Variants in PDGFRA observed in about 807,000 individuals in gnomAD.
PDGFRA encodes the protein platelet-derived growth factor receptor alpha.
A neutral mutation model predicts 121.5 loss-of-function variants in PDGFRA; 25 were observed. The observed-to-expected ratio is 0.21, with a 90% CI of 0.15 to 0.29. The LOEUF (loss-of-function observed/expected upper bound fraction) is 0.29, where lower values mean the gene tolerates loss of function less well. Among genes scored for constraint, PDGFRA ranks in the 10% least tolerant of loss-of-function variants. The pLI is 1.00. For missense variants in PDGFRA, 1,008 were observed against 1,345.1 expected, an observed-to-expected ratio of 0.75 and a Z score of 3.92; for synonymous variants, 463 against 494.8, an observed-to-expected ratio of 0.94 and a Z score of 0.85.
At chr4:54,231,165 G>C (rs1720642024) in intron 1 of PDGFRA, among the ~76,000 whole-genome samples, 1 of 152,220 alleles carries the variant, frequency 6.6e-6, no homozygotes, top group Non-Finnish European at 1.5e-5. Context: ...CTCAGGATGT[G>C]CGCAAGGAGT....
intron 1 of PDGFRA, among the ~76,000 whole-genome samples, chr4:54,247,615 A>G (rs985339072): frequency 4.6e-5 from 7 of 152,242 alleles, no homozygotes; most frequent in African/African-American, 1.7e-4. Context: ...AGCCAATATC[A>G]TACTGAATGG....
chr4:54,290,225 T>A, intron 21 of PDGFRA, 88 bp from the exon 22 acceptor site: 1 of 1,073,668 alleles, frequency 9.3e-7, no homozygotes, highest in Non-Finnish European at 1.4e-6. Context: ...TATGTACAGT[T>A]AAATAATAGT....
chr4:54,251,373 A>G (rs1179607485), intron 1 of PDGFRA, among the ~76,000 whole-genome samples: 1 of 152,200 alleles, frequency 6.6e-6, no homozygotes, highest in Non-Finnish European at 1.5e-5. Context: ...TATGGACAAA[A>G]TTTGGAGCAT....
chr4:54,232,229 T>C (rs1036830151), intron 1 of PDGFRA, among the ~76,000 whole-genome samples: 1 of 152,170 alleles, frequency 6.6e-6, no homozygotes, highest in Non-Finnish European at 1.5e-5. Context: ...AGCATCAGCC[T>C]TGGGGCGGCA....
Position 54,261,923 on chromosome 4 carries a change from ATATATATATT to A in PDGFRA, c.367+513_367+522del, listed in dbSNP as rs1233070207. On this transcript the variant is annotated intron_variant, in intron 3 of 22. Coordinates refer to ENST00000257290, the MANE Select transcript of PDGFRA (RefSeq NM_006206.6). Reference sequence around the variant, plus strand: ...CATATATATATATATATATATATATATATATATATTTTTTTTTTTTTTGGTAACAGGGTCT... The same window carrying A: ...CATATATATATATATATATATATATATTTTTTTTTTTTGGTAACAGGGTCT... Among the ~76,000 whole-genome samples, 407 of 74,558 alleles carry A rather than the reference ATATATATATT, an allele frequency of 5.5e-3. 1 individual carries two copies. Among genetic ancestry groups the A allele is most frequent in the Middle Eastern group, 0.011 (2 of 182 alleles). The allele number at this position is 74,558 out of a possible 152,430, so 48.9% of individuals were successfully genotyped here.
intron 1 of PDGFRA, among the ~76,000 whole-genome samples, chr4:54,248,326 C>A (rs969549097): frequency 2.6e-5 from 4 of 152,174 alleles, no homozygotes; most frequent in African/African-American, 7.2e-5. Context: ...TACTACAAAG[C>A]TACAGTAACC....
rs2110298976 is a variant in PDGFRA, at chr4:54,274,825, T to A, written c.1654-16T>A. On this transcript the variant is annotated splice_polypyrimidine_tract_variant and intron_variant, in intron 11 of 22. Coordinates refer to ENST00000257290, the MANE Select transcript of PDGFRA (RefSeq NM_006206.6). ...ACTTTGGTAATTCACCAGTTACCTG[T>A]CCTGGTCATTTATAGAAACCGAGGT... The A allele has an allele frequency of 6.2e-7, 1 of 1,613,854 alleles. No individual in the cohort carries two copies. Among genetic ancestry groups the A allele is most frequent in the Non-Finnish European group, 8.5e-7 (1 of 1,179,742 alleles).
intron 1 of PDGFRA, among the ~76,000 whole-genome samples, chr4:54,248,884 A>C (rs1380094515): frequency 1.3e-5 from 2 of 152,188 alleles, no homozygotes. Context: ...AAAAACAAAC[A>C]ACCCCATCAA....
chr4:54,254,985 T>TG (rs991992216), intron 1 of PDGFRA, among the ~76,000 whole-genome samples: 2 of 151,682 alleles, frequency 1.3e-5, no homozygotes, highest in Non-Finnish European at 2.9e-5. Context: ...CTGGGCCGGG[T>TG]GGGGGGCGGT....
intron 22 of PDGFRA, among the ~76,000 whole-genome samples, chr4:54,292,141 T>C (rs1180884916): frequency 6.6e-6 from 1 of 152,194 alleles, no homozygotes; most frequent in Non-Finnish European, 1.5e-5. Flanking sequence ...GCAGAAATAC[T>C]GTTTGACCCA....
rs1723295850 is a variant in PDGFRA at position 54,270,691 on chromosome 4, A to G, written c.1180A>G (p.Ile394Val). 1.2e-6 allele frequency: 2 copies of G among 1,612,094 alleles called. No homozygotes were observed. Among genetic ancestry groups the G allele is most frequent in the Admixed American group, 1.7e-5 (1 of 59,998 alleles). Residue 394 changes from isoleucine to valine, a missense_variant, in exon 8 of 23, where the codon ATT (isoleucine) becomes GTT (valine). Ile to Val is a conservative substitution (Grantham distance 29). Transcript: ENST00000257290. The stretch of plus-strand genomic sequence containing the variant: ...GGAAGAAGACAGTGGCCATTATACT[A>G]TTGTAGCTCAAAATGAAGATGCTGT... The part of the protein sequence containing the change: ...AKEEDSGHYT[I>V]VAQNEDAVKS...
chr4:54,283,506 G>A (rs1215859225), intron 16 of PDGFRA, among the ~76,000 whole-genome samples: 1 of 152,240 alleles, frequency 6.6e-6, no homozygotes, highest in Admixed American at 6.5e-5. Flanking sequence ...GGACCCTGGG[G>A]CTGGCCCATG....
At chr4:54,285,231 G>A (rs1724278874) in intron 16 of PDGFRA, 140 bp from the exon 17 acceptor site, 1 of 669,814 alleles carries the variant, frequency 1.5e-6, no homozygotes, top group East Asian at 2.7e-5. Context: ...TCTTTGCATA[G>A]TGATATTCAT....
At chr4:54,240,170 G>C (rs992478176) in intron 1 of PDGFRA, 1 of 218,876 alleles carries the variant, frequency 4.6e-6, no homozygotes, top group African/African-American at 2.3e-5. Flanking sequence ...AGTTTTTAAT[G>C]ACTGGCTGTT....
chr4:54,270,095 A>T (rs1723259820), intron 7 of PDGFRA, among the ~76,000 whole-genome samples: 1 of 152,168 alleles, frequency 6.6e-6, no homozygotes, highest in African/African-American at 2.4e-5. Context: ...CATCTTCATT[A>T]GTTTCATTAG....
chr4:54,244,346 G>C (rs934244000), intron 1 of PDGFRA, among the ~76,000 whole-genome samples: 1 of 152,202 alleles, frequency 6.6e-6, no homozygotes, highest in African/African-American at 2.4e-5. Context: ...ACCTCACACA[G>C]CCGGGTACTC....
At chr4:54,270,415 G>GT (rs1723276378) in intron 7 of PDGFRA, among the ~76,000 whole-genome samples, 3 of 152,146 alleles carry the variant, frequency 2.0e-5, no homozygotes, top group Non-Finnish European at 2.9e-5. Flanking sequence ...GCTCATCTCT[G>GT]AATGTCTGGT....
chr4:54,249,692 G>A (rs918338580), intron 1 of PDGFRA, among the ~76,000 whole-genome samples: 7 of 151,994 alleles, frequency 4.6e-5, no homozygotes, highest in Admixed American at 1.3e-4. Context: ...GCTAAATGAC[G>A]AGTTAATGGG....
At chr4:54,270,260 T>C (rs1189544697) in intron 7 of PDGFRA, among the ~76,000 whole-genome samples, 1 of 152,160 alleles carries the variant, frequency 6.6e-6, no homozygotes, top group Non-Finnish European at 1.5e-5. Flanking sequence ...AAATGATGGA[T>C]ATTTAGGGGA....
Sources: gnomAD v4.1 joint callset for allele counts (sites outside exome capture counted in the v4.1 genomes callset) on GRCh38, gnomAD v4.1.1 for gene constraint, MANE v1.5 for transcripts, NCBI Gene and HGNC (gene_info 2026-07-23, HGNC 2026-07-21) for gene names.